TBC1D5: variants seen among roughly 807,000 people sequenced by gnomAD.
TBC1D5 encodes TBC1 domain family member 5.
Under a neutral mutation model 100.3 loss-of-function variants are expected in TBC1D5, and 75 were observed. That is an observed-to-expected ratio of 0.75 (90% CI 0.62 to 0.91). TBC1D5 has a LOEUF of 0.91. TBC1D5 is among the 40% of genes least tolerant of loss of function. The pLI is 0.00. For missense variants in TBC1D5, 910 were observed against 942.4 expected (o/e 0.97, Z 0.45); for synonymous variants, 323 against 325.6 (o/e 0.99, Z 0.09).
intron 15 of TBC1D5, among the ~76,000 whole-genome samples, chr3:17,272,894 T>C (rs895336463): frequency 1.3e-5 from 2 of 152,184 alleles, no homozygotes; most frequent in Non-Finnish European, 1.5e-5. Context: ...TGCTAAAGTA[T>C]ATGTGTTTGA....
chr3:17,624,186 C>T (rs2062885909), intron 1 of TBC1D5, among the ~76,000 whole-genome samples: 1 of 152,126 alleles, frequency 6.6e-6, no homozygotes, highest in Non-Finnish European at 1.5e-5. Flanking sequence ...CGACATATTA[C>T]CCTCATTCCT....
At chr3:17,271,371 T>C (rs575884661) in intron 15 of TBC1D5, among the ~76,000 whole-genome samples, 3 of 152,242 alleles carry the variant, frequency 2.0e-5, no homozygotes, top group East Asian at 1.9e-4. Flanking sequence ...TCTGTGGCAA[T>C]GGTGAAGGAG....
chr3:17,730,326 C>T (rs1183151307), intron 1 of TBC1D5, among the ~76,000 whole-genome samples: 1 of 152,180 alleles, frequency 6.6e-6, no homozygotes, highest in Non-Finnish European at 1.5e-5. Context: ...ACTCTGTCTT[C>T]TTAGCCAACA....
At chr3:17,658,776 C>T (rs2066354847) in intron 1 of TBC1D5, among the ~76,000 whole-genome samples, 1 of 152,184 alleles carries the variant, frequency 6.6e-6, no homozygotes, top group Non-Finnish European at 1.5e-5. Flanking sequence ...GATTCTCGTG[C>T]CTCAGCCTCC....
chr3:17,484,763 C>T (rs773649634), intron 3 of TBC1D5, among the ~76,000 whole-genome samples: 41 of 152,036 alleles, frequency 2.7e-4, no homozygotes, highest in Non-Finnish European at 4.1e-4. Flanking sequence ...GGATTACAGG[C>T]ATGAGCCACT....
At chr3:17,705,125 G>A (rs1250533376) in intron 1 of TBC1D5, among the ~76,000 whole-genome samples, 4 of 118,696 alleles carry the variant, frequency 3.4e-5, no homozygotes, top group East Asian at 2.8e-4. Flanking sequence ...CCTCCCGGAC[G>A]GGGCGGCTGG....
At chr3:17,252,529 A>T (rs2077262079) in intron 16 of TBC1D5, among the ~76,000 whole-genome samples, 1 of 152,210 alleles carries the variant, frequency 6.6e-6, no homozygotes, top group Non-Finnish European at 1.5e-5. Flanking sequence ...GAAGATTCTT[A>T]CTAGGAGGGT....
At chr3:17,255,740 T>C (rs1442027048) in intron 16 of TBC1D5, among the ~76,000 whole-genome samples, 1 of 152,172 alleles carries the variant, frequency 6.6e-6, no homozygotes, top group Non-Finnish European at 1.5e-5. Flanking sequence ...CAATTAAAAA[T>C]TTTAAAATAA....
At chr3:17,258,543 A>G in exon 16 of TBC1D5, 1 of 1,612,878 alleles carries the variant, frequency 6.2e-7, no homozygotes, top group Non-Finnish European at 8.5e-7. Context: ...CGTGCTTTGT[A>G]ATAATCTAAA....
intron 19 of TBC1D5, among the ~76,000 whole-genome samples, chr3:17,175,077 G>C (rs1248465267): frequency 1.3e-5 from 2 of 152,208 alleles, no homozygotes; most frequent in Non-Finnish European, 2.9e-5. Flanking sequence ...AGTGGTAGGG[G>C]CAGGTGAAGA....
chr3:17,689,318 T>C (rs2070754557), intron 1 of TBC1D5, among the ~76,000 whole-genome samples: 1 of 152,056 alleles, frequency 6.6e-6, no homozygotes, highest in African/African-American at 2.4e-5. Flanking sequence ...AGTGGGCAGA[T>C]TGCTTCAGTC....
chr3:17,253,558 C>A (rs572300402), intron 16 of TBC1D5, among the ~76,000 whole-genome samples: 1 of 152,230 alleles, frequency 6.6e-6, no homozygotes, highest in South Asian at 2.1e-4. Context: ...CTTGTGTACA[C>A]CTGTATAACC....
intron 1 of TBC1D5, among the ~76,000 whole-genome samples, chr3:17,631,357 G>C (rs111465814): frequency 6.6e-6 from 1 of 152,082 alleles, no homozygotes; most frequent in Non-Finnish European, 1.5e-5. Context: ...TGATTCCTAC[G>C]GTTGAAAAAA....
intron 16 of TBC1D5, among the ~76,000 whole-genome samples, chr3:17,249,606 A>G (rs2077020309): frequency 6.6e-6 from 1 of 152,200 alleles, no homozygotes; most frequent in African/African-American, 2.4e-5. Flanking sequence ...CCTCCCTAGA[A>G]GTCCAGCAGA....
At chr3:17,478,839 T>A (rs1258705592) in intron 3 of TBC1D5, among the ~76,000 whole-genome samples, 2 of 152,074 alleles carry the variant, frequency 1.3e-5, no homozygotes, top group Non-Finnish European at 2.9e-5. Context: ...GCTTACTGAA[T>A]CTCCAGACAC....
intron 1 of TBC1D5, among the ~76,000 whole-genome samples, chr3:17,714,360 A>C (rs1002536693): frequency 1.3e-5 from 2 of 152,210 alleles, no homozygotes; most frequent in African/African-American, 4.8e-5. Context: ...TTAGGAGCAT[A>C]GAGGGGAATT....
At chr3:17,601,340 G>A (rs955845765) in intron 2 of TBC1D5, among the ~76,000 whole-genome samples, 2 of 151,986 alleles carry the variant, frequency 1.3e-5, no homozygotes, top group African/African-American at 4.8e-5. Context: ...GGGAAACCCC[G>A]TCTCTACTAA....
Position 17,167,742 on chromosome 3 carries a change from C to A in TBC1D5, c.1932+7G>T, listed in dbSNP as rs768160268. On this transcript the variant is annotated splice_region_variant and intron_variant, in intron 20 of 21. Coordinates refer to ENST00000253692, the Ensembl canonical transcript of TBC1D5. Reference sequence around the variant, plus strand: ...ACAAAGAAATAGTGTCAGAGCAATGCACATACCTGTTTTAATCCTGCCAGG... The same window carrying A: ...ACAAAGAAATAGTGTCAGAGCAATGAACATACCTGTTTTAATCCTGCCAGG... 1.9e-6 allele frequency: 3 copies of A among 1,613,674 alleles called. No individual in the cohort carries two copies. In the East Asian group the frequency reaches 6.7e-5, roughly 36 times the overall value.
chr3:17,455,045 C>T (rs914678063), intron 3 of TBC1D5, among the ~76,000 whole-genome samples: 5 of 150,996 alleles, frequency 3.3e-5, no homozygotes, highest in South Asian at 2.1e-4. Context: ...TCAATGCATT[C>T]GCTATCAAAA....
Sources: allele counts gnomAD v4.1 joint callset (sites outside exome capture counted in the v4.1 genomes callset), GRCh38; gene constraint gnomAD v4.1.1; transcripts MANE v1.5; gene names NCBI Gene and HGNC (gene_info 2026-07-23, HGNC 2026-07-21).